Variants in TP73 observed in about 807,000 individuals in gnomAD.
The protein encoded by TP73 is tumor protein p73, also known as p53-like transcription factor.
TP73 carries 25 observed loss-of-function variants against 62.5 expected under a neutral mutation model. The ratio of observed to expected loss-of-function variants is 0.40; its 90% CI spans 0.29 to 0.56. The LOEUF is 0.56. Ranked by LOEUF, TP73 falls within the 20% of genes least tolerant of loss-of-function variation. The pLI, the probability that TP73 is intolerant of heterozygous loss-of-function variation, is 0.46. For synonymous variants in TP73, 423 were observed against 377.5 expected (o/e 1.12, Z -1.40); for missense variants, 754 against 913.3 (o/e 0.83, Z 2.25).
chr1:3,727,713 C>A lies in TP73; in HGVS notation c.928C>A (p.Arg310=). 6.4e-7 allele frequency: 1 copy of A among 1,574,564 alleles called. No homozygotes were observed. The highest frequency in any genetic ancestry group is 1.3e-5 in the African/African-American group (1 of 74,624). The part of the protein sequence containing the change: ...RDRKADEDHY[R]EQQALNESSA... ...CCGAAAAGCTGATGAGGACCACTAC[C>A]GGGAGCAGCAGGCCCTGAACGAGAG... Residue 310 remains arginine (R), a synonymous_variant, in exon 8 of 14, where the codon CGG becomes AGG. Transcript: ENST00000378295.
intron 1 of TP73, among the ~76,000 whole-genome samples, chr1:3,659,993 T>C (rs1299977833): frequency 6.6e-6 from 1 of 152,172 alleles, no homozygotes; most frequent in Non-Finnish European, 1.5e-5. Context: ...TCAGATTAAC[T>C]TGTTTGTAAA....
chr1:3,706,379 G>T (rs1027948360), intron 3 of TP73, among the ~76,000 whole-genome samples: 6 of 149,576 alleles, frequency 4.0e-5, no homozygotes, highest in Non-Finnish European at 7.4e-5. Flanking sequence ...GGCCCGGGGA[G>T]GGGGGTAATA....
intron 1 of TP73, among the ~76,000 whole-genome samples, chr1:3,654,389 G>A (rs1408784636): frequency 3.3e-5 from 5 of 152,266 alleles, no homozygotes; most frequent in East Asian, 3.9e-4. Context: ...TCCAAATCCC[G>A]AAGGCCAGTC....
At chr1:3,709,068 G>T (rs928456577) in intron 4 of TP73, among the ~76,000 whole-genome samples, 1 of 152,224 alleles carries the variant, frequency 6.6e-6, no homozygotes, top group Non-Finnish European at 1.5e-5. Flanking sequence ...GGGGCAGGGC[G>T]GAGCCTAAGG....
At chr1:3,706,182 G>T (rs1419335018) in intron 3 of TP73, among the ~76,000 whole-genome samples, 1 of 152,174 alleles carries the variant, frequency 6.6e-6, no homozygotes, top group East Asian at 1.9e-4. Flanking sequence ...CGGTCTGGGG[G>T]TCTCAGCCTG....
chr1:3,714,769 G>A (rs1640450078), intron 4 of TP73, among the ~76,000 whole-genome samples: 1 of 152,246 alleles, frequency 6.6e-6, no homozygotes, highest in Non-Finnish European at 1.5e-5. Context: ...GGCAGCTGCT[G>A]GTGGGCATTC....
At chr1:3,713,624 C>A (rs1002728158) in intron 4 of TP73, among the ~76,000 whole-genome samples, 2 of 152,158 alleles carry the variant, frequency 1.3e-5, no homozygotes, top group Non-Finnish European at 2.9e-5. Flanking sequence ...CCCTGGAGAC[C>A]CGGACCCTGG....
At chr1:3,683,703 C>T (rs1645578722) in intron 3 of TP73, among the ~76,000 whole-genome samples, 1 of 152,230 alleles carries the variant, frequency 6.6e-6, no homozygotes, top group African/African-American at 2.4e-5. Context: ...GAGGAGATCC[C>T]TCTTTTCCCA....
chr1:3,713,418 T>C (rs1489749275), intron 4 of TP73, among the ~76,000 whole-genome samples: 1 of 152,186 alleles, frequency 6.6e-6, no homozygotes, highest in African/African-American at 2.4e-5. Flanking sequence ...CGTCCCAGGC[T>C]TCTCCTGGAC....
intron 3 of TP73, among the ~76,000 whole-genome samples, chr1:3,698,912 A>G (rs537219251): frequency 6.6e-6 from 1 of 152,284 alleles, no homozygotes; most frequent in South Asian, 2.1e-4. Context: ...TGGGCCTCGC[A>G]GTCCTGCAGA....
At position 3,672,728 on chromosome 1, in the gene TP73, C is replaced by T. The variant is rs916885274; in HGVS notation, c.-33-9605C>T. ...TCGCCCTTCCTCTAACAGGTGGGCT[C>T]CTGGCAGGAAACATCACCAAGCTCA... On this transcript the variant is annotated intron_variant, in intron 1 of 13. Coordinates refer to ENST00000378295, the MANE Select transcript of TP73 (RefSeq NM_005427.4). This position sits in a 1 kb window ranked among gnomAD's most constrained non-coding sequence, Gnocchi z 5.3. Among the ~76,000 whole-genome samples the T allele has an allele frequency of 1.3e-5, 2 of 152,102 alleles. No homozygotes were observed. Among genetic ancestry groups the T allele is most frequent in the African/African-American group, 2.4e-5 (1 of 41,418 alleles).
chr1:3,725,269 C>T (rs775453904), intron 6 of TP73, among the ~76,000 whole-genome samples: 10 of 151,988 alleles, frequency 6.6e-5, no homozygotes, highest in Non-Finnish European at 1.5e-4. Flanking sequence ...GGACTCTGTG[C>T]TTCTCTGAGA....
At chr1:3,690,992 G>A in intron 3 of TP73, 1 of 1,556,650 alleles carries the variant, frequency 6.4e-7, no homozygotes, top group Non-Finnish European at 8.7e-7. Flanking sequence ...ACTTTGCGGG[G>A]GATTTTGCTG....
chr1:3,716,282 C>G (rs543545776), intron 4 of TP73, among the ~76,000 whole-genome samples: 3 of 152,192 alleles, frequency 2.0e-5, no homozygotes, highest in East Asian at 3.9e-4. Context: ...CTCCTGCAGC[C>G]CCCCCAGCCA....
rs980082293 is a variant in TP73 at position 3,666,943 on chromosome 1, A to G, written c.-34+14302A>G. Among the ~76,000 whole-genome samples the G allele has an allele frequency of 2.0e-5, 3 of 152,062 alleles. No homozygotes were observed. The highest frequency in any genetic ancestry group is 7.2e-5 in the African/African-American group (3 of 41,410). On this transcript the variant is annotated intron_variant, in intron 1 of 13. Coordinates refer to ENST00000378295, the MANE Select transcript of TP73 (RefSeq NM_005427.4). The surrounding 1 kb of genome is among the most constrained non-coding windows in gnomAD (Gnocchi z 6.4). ...AGAACCCGTGTCTATGTTATTTCCC[A>G]TGGCAAAGGGGACCGTGATTCAGCT...
intron 12 of TP73, 54 bp downstream of exon 12, chr1:3,731,119 C>A: frequency 6.3e-7 from 1 of 1,581,126 alleles, no homozygotes; most frequent in South Asian, 1.1e-5. Flanking sequence ...CTGTTCACCT[C>A]TGTCCTTCTG....
rs1482572864 is a variant in TP73, at chr1:3,733,062, G to C, written c.1894G>C (p.Glu632Gln). 1 of 1,537,064 alleles carries C rather than the reference G, an allele frequency of 6.5e-7. No homozygotes were observed. Among genetic ancestry groups the C allele is most frequent in the East Asian group, 2.4e-5 (1 of 40,876 alleles). The change falls in exon 14 of 14, where the codon GAG (glutamate) becomes CAG (glutamine). Residue 632 changes from glutamate (E) to glutamine (Q), a missense_variant. Physicochemically the swap from Glu to Gln is conservative, Grantham distance 29. Transcript: ENST00000378295. ...RKQPIKEEFT[E>Q]AEIH ...GCAGCCCATCAAGGAGGAGTTCACGGAGGCCGAGATCCACTGAGGGCCTCG... is the reference window on the plus strand; with the variant it reads ...GCAGCCCATCAAGGAGGAGTTCACGCAGGCCGAGATCCACTGAGGGCCTCG...
At chr1:3,708,565 T>C (rs990246018) in intron 4 of TP73, 2 of 152,258 alleles carry the variant, frequency 1.3e-5, no homozygotes, top group African/African-American at 4.8e-5. Flanking sequence ...TCGCCCAGAG[T>C]TCTGCTCATA....
At chr1:3,661,987 G>A (rs911136984) in intron 1 of TP73, among the ~76,000 whole-genome samples, 15 of 151,034 alleles carry the variant, frequency 9.9e-5, no homozygotes, top group Non-Finnish European at 1.6e-4. Flanking sequence ...TGAAGCCCAG[G>A]AGTTGAGGCT....
Sources: allele counts gnomAD v4.1 joint callset (sites outside exome capture counted in the v4.1 genomes callset), GRCh38; gene constraint gnomAD v4.1.1; non-coding constraint Gnocchi (gnomAD v3.1); transcripts MANE v1.5; gene names NCBI Gene and HGNC (gene_info 2026-07-23, HGNC 2026-07-21).